The following CDHR3 variants were observed in gnomAD, a reference collection of about 807,000 sequenced individuals.
The protein encoded by CDHR3 is cadherin-related family member 3.
A neutral mutation model predicts 86.6 loss-of-function variants in CDHR3; 79 were observed. The observed-to-expected ratio is 0.91, with a 90% CI of 0.76 to 1.10. The LOEUF (loss-of-function observed/expected upper bound fraction) is 1.10, where lower values mean the gene tolerates loss of function less well. Among genes scored for constraint, CDHR3 ranks in the 50% least tolerant of loss-of-function variants. The pLI is 0.00. For missense variants in CDHR3, 1,081 were observed against 1,077.6 expected (o/e 1.00, Z -0.04); for synonymous variants, 421 against 402.4 (o/e 1.05, Z -0.55).
In CDHR3 at chr7:106,016,024, C is replaced by T. The variant is rs373998790; in HGVS notation, c.1425C>T (p.Pro475=). ...TATTTGATGTGTCAGAAAGAAGGCC[C>T]GGTAAGTAACAGATAAGACACAGAC... ...SYVFDVSERR[P]ARTRVGQVRA... is the part of the protein sequence containing the mutation. Residue 475 remains proline, a splice_region_variant and synonymous_variant, in exon 11 of 19, where the codon CCC becomes CCT. Coordinates refer to ENST00000317716, the MANE Select transcript of CDHR3 (RefSeq NM_152750.5). The T allele has an allele frequency of 3.6e-5, 57 of 1,596,132 alleles. No homozygotes were observed. The East Asian group carries it at 4.0e-4, about 11-fold the overall frequency.
Position 106,035,991 on chromosome 7 carries a change from A to G in CDHR3, c.*3294A>G, listed in dbSNP as rs1351815756. On this transcript the variant is annotated 3_prime_UTR_variant, in exon 19 of 19. Coordinates refer to ENST00000317716, the MANE Select transcript of CDHR3 (RefSeq NM_152750.5). ...CCATCTCCCTCTCAAGGCCTTAAAC[A>G]GGTATGAGTTGATTATAGCCAATGT... is the stretch of plus-strand genomic sequence containing the variant. 1 of 152,240 alleles carries G rather than the reference A, an allele frequency of 6.6e-6. No homozygotes were observed. Among genetic ancestry groups the G allele is most frequent in the Non-Finnish European group, 1.5e-5 (1 of 68,048 alleles). 9.4% of individuals were successfully genotyped at this position (152,240 alleles called of 1,614,324 possible).
chr7:106,007,034 G>A (rs1479952057), intron 8 of CDHR3, among the ~76,000 whole-genome samples: 1 of 152,214 alleles, frequency 6.6e-6, no homozygotes, highest in Non-Finnish European at 1.5e-5. Flanking sequence ...GCAGCCGCAG[G>A]CTCAACACCA....
rs373923308 is a variant in CDHR3 at position 105,974,981 on chromosome 7, A to G, written c.184A>G (p.Ile62Val). Reference sequence around the variant, plus strand: ...ACCTGTGATCCCAGGATTTCCCCAGATAGTCAACTCAAATCCCCTCACTGA... The same window carrying G: ...ACCTGTGATCCCAGGATTTCCCCAGGTAGTCAACTCAAATCCCCTCACTGA... ...LSPVIPGFPQ[I>V]VNSNPLTEAF... Residue 62 changes from isoleucine (I) to valine (V), a missense_variant, in exon 2 of 19, where the codon ATA becomes GTA. Ile to Val is a conservative substitution (Grantham distance 29). Transcript: ENST00000317716. 36 of 1,613,962 alleles carry G rather than the reference A, an allele frequency of 2.2e-5. No individual in the cohort carries two copies. Among genetic ancestry groups the G allele is most frequent in the Non-Finnish European group, 2.9e-5 (34 of 1,179,852 alleles).
intron 12 of CDHR3, among the ~76,000 whole-genome samples, chr7:106,018,793 A>C (rs1836068172): frequency 6.6e-6 from 1 of 152,054 alleles, no homozygotes; most frequent in Non-Finnish European, 1.5e-5. Context: ...CTCTATGCAT[A>C]CCAGATGGGG....
chr7:106,027,485 G>T (rs1393998105), intron 16 of CDHR3, among the ~76,000 whole-genome samples: 1 of 151,996 alleles, frequency 6.6e-6, no homozygotes, highest in Non-Finnish European at 1.5e-5. Flanking sequence ...AGACTAGTGA[G>T]AAGGGGGAGA....
intron 15 of CDHR3, among the ~76,000 whole-genome samples, chr7:106,025,506 T>C (rs1837223631): frequency 6.6e-6 from 1 of 152,234 alleles, no homozygotes; most frequent in South Asian, 2.1e-4. Context: ...TCATTATTCT[T>C]CACAGATGAG....
In CDHR3 at chr7:106,035,707, T is replaced by C. The variant is rs1280644931; in HGVS notation, c.*3010T>C. On this transcript the variant is annotated 3_prime_UTR_variant, in exon 19 of 19. Transcript: ENST00000317716. The stretch of plus-strand genomic sequence containing the variant: ...AGTAGTGGACCACAATTGGTCTGAT[T>C]GGTTGCAGGAAGCAACCAATCAGAG... 2 of 152,104 alleles carry C rather than the reference T, an allele frequency of 1.3e-5. No individual in the cohort carries two copies. The highest frequency in any genetic ancestry group is 4.8e-5 in the African/African-American group (2 of 41,434). 9.4% of individuals were successfully genotyped at this position (152,104 alleles called of 1,614,324 possible). A position where few individuals can be genotyped will look rare whatever the true frequency, so the allele number is the denominator to read the frequency against.
intron 7 of CDHR3, among the ~76,000 whole-genome samples, chr7:106,003,249 C>A (rs561920085): frequency 6.6e-6 from 1 of 151,900 alleles, no homozygotes; most frequent in Non-Finnish European, 1.5e-5. Flanking sequence ...TTTGGATTAG[C>A]ACCATTTAAT....
At chr7:105,965,567 A>ACCCCCCCCCCCCCCCC (rs56177648) in intron 1 of CDHR3, among the ~76,000 whole-genome samples, 1 of 78,194 alleles carries the variant, frequency 1.3e-5, no homozygotes, top group Non-Finnish European at 2.7e-5. Flanking sequence ...CTCAAGCCCC[A>ACCCCCCCCCCCCCCCC]CCCCCCCCCA....
At position 106,004,554 on chromosome 7, in the gene CDHR3, C is replaced by CA; in HGVS notation, c.923dup (p.Asn308LysfsTer59). On this transcript the variant is annotated frameshift_variant, in exon 8 of 19. Coordinates refer to ENST00000317716, the MANE Select transcript of CDHR3 (RefSeq NM_152750.5). LOFTEE classifies it high-confidence loss of function. The stretch of plus-strand genomic sequence containing the variant: ...AGACCGAGATGCAGGTGAATTGAGA[C>CA]AAAATCCCACCATTTCCCTGGAAGT... The CA allele has an allele frequency of 6.2e-7, 1 of 1,613,988 alleles. No individual in the cohort carries two copies. Among genetic ancestry groups the CA allele is most frequent in the East Asian group, 2.2e-5 (1 of 44,888 alleles).
At chr7:105,999,721 A>G (rs1832835219) in intron 6 of CDHR3, among the ~76,000 whole-genome samples, 1 of 152,074 alleles carries the variant, frequency 6.6e-6, no homozygotes, top group African/African-American at 2.4e-5. Flanking sequence ...TCACCTTATA[A>G]TCATCCTTCC....
chr7:105,967,012 T>G (rs10277689), intron 1 of CDHR3, among the ~76,000 whole-genome samples: 106 of 152,226 alleles, frequency 7.0e-4, no homozygotes, highest in Middle Eastern at 6.8e-3. Context: ...TGTTCAGGTT[T>G]GTTACATATG....
chr7:106,012,144 G>T (rs1031195873), intron 8 of CDHR3, among the ~76,000 whole-genome samples: 1 of 152,116 alleles, frequency 6.6e-6, no homozygotes, highest in Non-Finnish European at 1.5e-5. Flanking sequence ...CTTATTGAGT[G>T]TGCCAAGAAA....
At chr7:106,004,839 A>C in intron 8 of CDHR3, 152 bp downstream of exon 8, 1 of 705,584 alleles carries the variant, frequency 1.4e-6, no homozygotes, top group Non-Finnish European at 2.3e-6. Flanking sequence ...TGTTGTCCAC[A>C]GGTTTCCTTG....
intron 6 of CDHR3, among the ~76,000 whole-genome samples, chr7:105,997,122 G>T (rs1455267089): frequency 1.3e-5 from 2 of 152,180 alleles, no homozygotes. Flanking sequence ...ACCTTTAACA[G>T]CATGAACGGT....
chr7:105,972,737 T>A (rs1828171680), intron 1 of CDHR3, among the ~76,000 whole-genome samples: 1 of 152,254 alleles, frequency 6.6e-6, no homozygotes, highest in African/African-American at 2.4e-5. Flanking sequence ...TCAATTGTAA[T>A]AGATTTTTAA....
chr7:105,981,675 C>G (rs749801964), intron 3 of CDHR3, among the ~76,000 whole-genome samples: 7 of 152,108 alleles, frequency 4.6e-5, no homozygotes, highest in Non-Finnish European at 8.8e-5. Context: ...CTGTGGCGGT[C>G]GTAACACAAA....
chr7:106,021,367 A>G (rs1836538726), intron 13 of CDHR3, among the ~76,000 whole-genome samples: 3 of 152,320 alleles, frequency 2.0e-5, no homozygotes, highest in Admixed American at 2.0e-4. Context: ...CACAAAACCC[A>G]GGGGCAGAAA....
In CDHR3 at chr7:105,996,370, T is replaced by C. The variant is rs772345425; in HGVS notation, c.713+16T>C. On this transcript the variant is annotated intron_variant, in intron 6 of 18. Coordinates refer to ENST00000317716, the MANE Select transcript of CDHR3 (RefSeq NM_152750.5). The stretch of plus-strand genomic sequence containing the variant: ...GCTTTACCAGGTAGGCCTGAGGGCA[T>C]GCAGGACTCCCTGGGCCGCAGGTGC... The C allele has an allele frequency of 6.7e-6, 10 of 1,502,000 alleles. No individual in the cohort carries two copies. Among genetic ancestry groups the C allele is most frequent in the South Asian group, 2.3e-5 (2 of 86,432 alleles). 93.0% of individuals were successfully genotyped at this position (1,502,000 alleles called of 1,614,324 possible).
Sources: allele counts gnomAD v4.1 joint callset (sites outside exome capture counted in the v4.1 genomes callset), GRCh38; gene constraint gnomAD v4.1.1; transcripts MANE v1.5; gene names NCBI Gene and HGNC (gene_info 2026-07-23, HGNC 2026-07-21).